PRKCB: variants seen among roughly 807,000 people sequenced by gnomAD.
PRKCB encodes protein kinase C beta type.
PRKCB carries 13 observed loss-of-function variants against 81.5 expected under a neutral mutation model. That is an observed-to-expected ratio of 0.16 (90% CI 0.10 to 0.25). The LOEUF is 0.25. PRKCB is among the 10% of genes least tolerant of loss of function. PRKCB has a pLI of 1.00. For synonymous variants in PRKCB, 335 were observed against 321.4 expected (o/e 1.04, Z -0.45); for missense variants, 509 against 875.7 (o/e 0.58, Z 5.29).
chr16:24,032,263 C>A lies in PRKCB; in HGVS notation c.400+16C>A. On this transcript the variant is annotated intron_variant, in intron 4 of 16. Coordinates refer to ENST00000643927, the MANE Select transcript of PRKCB (RefSeq NM_002738.7). ...AAATGTGACAGTAAGTACTTTTTCT[C>A]TCTGGGGGCATCTGCTGATGGCAGA... The A allele has an allele frequency of 6.4e-7, 1 of 1,561,038 alleles. No individual in the cohort carries two copies.
intron 2 of PRKCB, among the ~76,000 whole-genome samples, chr16:23,861,414 A>G (rs1302835629): frequency 6.6e-6 from 1 of 151,614 alleles, no homozygotes; most frequent in African/African-American, 2.4e-5. Flanking sequence ...CAATCCTCAC[A>G]CCTCCGCCTC....
intron 10 of PRKCB, among the ~76,000 whole-genome samples, chr16:24,162,231 T>G (rs1360514116): frequency 6.6e-6 from 1 of 152,020 alleles, no homozygotes; most frequent in African/African-American, 2.4e-5. Flanking sequence ...GGCCCAAGAA[T>G]GAGCCCCGAG....
chr16:23,987,724 C>T (rs963899080), intron 2 of PRKCB, among the ~76,000 whole-genome samples: 2 of 152,054 alleles, frequency 1.3e-5, no homozygotes, highest in South Asian at 2.1e-4. Flanking sequence ...GCATGGCACC[C>T]GTCCTCCAGA....
intron 4 of PRKCB, among the ~76,000 whole-genome samples, 155 bp downstream of exon 4, chr16:24,032,402 C>T (rs1308105393): frequency 6.6e-6 from 1 of 152,198 alleles, no homozygotes; most frequent in African/African-American, 2.4e-5. Flanking sequence ...ATGATCCTCC[C>T]ACCCCAAAAC....
intron 2 of PRKCB, among the ~76,000 whole-genome samples, chr16:23,851,488 T>C (rs1313622084): frequency 3.9e-5 from 6 of 152,242 alleles, no homozygotes; most frequent in African/African-American, 1.4e-4. Flanking sequence ...TACAATTGCT[T>C]TATAATGTAT....
At chr16:23,937,626 CA>C (rs1315726159) in intron 2 of PRKCB, among the ~76,000 whole-genome samples, 1 of 152,190 alleles carries the variant, frequency 6.6e-6, no homozygotes, top group African/African-American at 2.4e-5. Context: ...CTACCCTTCA[CA>C]GTCAACACCT....
At chr16:23,959,003 A>C (rs1360940249) in intron 2 of PRKCB, among the ~76,000 whole-genome samples, 1 of 152,124 alleles carries the variant, frequency 6.6e-6, no homozygotes, top group African/African-American at 2.4e-5. Flanking sequence ...TCTTCACCTC[A>C]ATTTCTCCAT....
chr16:24,218,544 A>T lies in PRKCB; in HGVS notation c.*3728A>T. On this transcript the variant is annotated 3_prime_UTR_variant, in exon 17 of 17. Transcript: ENST00000643927. ...CACACCCTCACATAGACTTGGCAAG[A>T]GTAAGGAGGGAACTCCATAGAGACA... 1.0e-6 allele frequency: 1 copy of T among 985,438 alleles called. No homozygotes were observed. The highest frequency in any genetic ancestry group is 1.7e-5 in the African/African-American group (1 of 57,360). 61.0% of individuals were successfully genotyped at this position (985,438 alleles called of 1,614,324 possible).
At chr16:23,962,177 C>T (rs1034934749) in intron 2 of PRKCB, among the ~76,000 whole-genome samples, 1 of 152,172 alleles carries the variant, frequency 6.6e-6, no homozygotes, top group Non-Finnish European at 1.5e-5. Context: ...TGAGTTGTAG[C>T]CTCCTTTCCC....
intron 7 of PRKCB, among the ~76,000 whole-genome samples, chr16:24,096,666 A>AAAAAAAAAAATATAT (rs1406204037): frequency 2.8e-4 from 9 of 32,704 alleles, no homozygotes; most frequent in African/African-American, 6.8e-4. Context: ...AAAAAAAAAA[A>AAAAAAAAAAATATAT]ATATATATAT....
chr16:24,012,073 T>C (rs1204971868), intron 3 of PRKCB, among the ~76,000 whole-genome samples: 2 of 152,160 alleles, frequency 1.3e-5, no homozygotes, highest in African/African-American at 4.8e-5. Flanking sequence ...TCCTTAACTG[T>C]GAATCTCCCA....
chr16:23,981,924 T>TC (rs1964725881), intron 2 of PRKCB, among the ~76,000 whole-genome samples: 1 of 63,712 alleles, frequency 1.6e-5, no homozygotes, highest in African/African-American at 6.4e-5. Flanking sequence ...CCCCTTCCCT[T>TC]CCCTTCCCCT....
chr16:24,098,854 C>T (rs1966471934), intron 7 of PRKCB: 1 of 152,196 alleles, frequency 6.6e-6, no homozygotes, highest in South Asian at 2.1e-4. Context: ...AAAGAAATAG[C>T]TAATTAGAAA....
intron 2 of PRKCB, among the ~76,000 whole-genome samples, chr16:23,852,607 A>G (rs1043587309): frequency 6.6e-6 from 1 of 152,172 alleles, no homozygotes; most frequent in Non-Finnish European, 1.5e-5. Context: ...TGGCTTTGGT[A>G]TGATAGTCTT....
At chr16:23,847,551 A>AT (rs1567288458) in intron 2 of PRKCB, among the ~76,000 whole-genome samples, 18,431 of 68,324 alleles carry the variant, frequency 0.27, 1,354 homozygotes, top group South Asian at 0.43. Context: ...CATCCATCCA[A>AT]CCATCCATCC....
chr16:24,030,769 A>ATGCC (rs1157173450), intron 3 of PRKCB, among the ~76,000 whole-genome samples: 1 of 151,884 alleles, frequency 6.6e-6, no homozygotes, highest in East Asian at 1.9e-4. Flanking sequence ...ACAGTGGCTC[A>ATGCC]TGCCTGTAGT....
intron 9 of PRKCB, among the ~76,000 whole-genome samples, chr16:24,131,596 C>T (rs1320567371): frequency 1.3e-5 from 2 of 152,168 alleles, no homozygotes; most frequent in Non-Finnish European, 2.9e-5. Flanking sequence ...CTCCTTTATT[C>T]GATCATATTT....
intron 8 of PRKCB, among the ~76,000 whole-genome samples, chr16:24,123,139 G>A (rs78080482): frequency 0.022 from 3,326 of 152,262 alleles, 135 homozygotes; most frequent in African/African-American, 0.074. Flanking sequence ...GAAAATCAGA[G>A]GAGAACCTAG....
At chr16:23,979,583 T>C (rs1005424754) in intron 2 of PRKCB, among the ~76,000 whole-genome samples, 14 of 151,654 alleles carry the variant, frequency 9.2e-5, no homozygotes, top group African/African-American at 3.2e-4. Context: ...CAGGAAGATA[T>C]GGCATAAAAG....
Sources: gnomAD v4.1 joint callset for allele counts (sites outside exome capture counted in the v4.1 genomes callset) on GRCh38, gnomAD v4.1.1 for gene constraint, MANE v1.5 for transcripts, NCBI Gene and HGNC (gene_info 2026-07-23, HGNC 2026-07-21) for gene names.